Variants in QRFPR observed in about 807,000 individuals in gnomAD.
The protein encoded by QRFPR is pyroglutamylated RFamide peptide receptor, also known as pyroglutamylated RF-amide peptide receptor.
In QRFPR, 37 loss-of-function variants were observed where a neutral mutation model predicts 31.3. The observed-to-expected ratio is 1.18, with a 90% confidence interval of 0.91 to 1.56. The LOEUF (loss-of-function observed/expected upper bound fraction) is 1.56. Ranked by LOEUF, QRFPR falls within the 40% of genes most tolerant of loss-of-function variation. The probability of loss-of-function intolerance (pLI) is 0.00; values close to 1 mark genes in which losing one functional copy is unlikely to be tolerated. For missense variants in QRFPR, 542 were observed against 532.5 expected, an observed-to-expected ratio of 1.02 and a Z score of -0.18; for synonymous variants, 197 against 192.0, an observed-to-expected ratio of 1.03 and a Z score of -0.22.
At chr4:121,365,533 TAATATATATTATATATAATATATAA>T (rs1560743574) in intron 1 of QRFPR, among the ~76,000 whole-genome samples, 1 of 8,894 alleles carries the variant, frequency 1.1e-4, no homozygotes, top group Non-Finnish European at 2.0e-4. Flanking sequence ...ATATTATATA[TAATATATATTATATATAATATATAA>T]TATATATTAT....
chr4:121,370,446 T>C, intron 1 of QRFPR: 1 of 553,686 alleles, frequency 1.8e-6, no homozygotes, highest in Non-Finnish European at 3.4e-6. Flanking sequence ...ATGAGGAACA[T>C]GGTCCAGCTG....
chr4:121,343,563 G>A (rs1392705253), intron 1 of QRFPR, among the ~76,000 whole-genome samples: 1 of 152,164 alleles, frequency 6.6e-6, no homozygotes, highest in African/African-American at 2.4e-5. Context: ...ACTATACTGT[G>A]AATAAATCAG....
intron 2 of QRFPR, 59 bp downstream of exon 2, chr4:121,340,391 TTC>T: frequency 6.4e-7 from 1 of 1,560,788 alleles, no homozygotes; most frequent in African/African-American, 1.4e-5. Context: ...AAAAATATGG[TTC>T]TCTATTCTGT....
intron 1 of QRFPR, among the ~76,000 whole-genome samples, chr4:121,356,398 C>T (rs1039201692): frequency 1.3e-5 from 2 of 152,188 alleles, no homozygotes; most frequent in Non-Finnish European, 1.5e-5. Context: ...AAATCTCTGT[C>T]ACTCCAGGAC....
intron 1 of QRFPR, among the ~76,000 whole-genome samples, chr4:121,367,520 G>T (rs879897686): frequency 1.3e-5 from 2 of 150,018 alleles, no homozygotes; most frequent in African/African-American, 2.5e-5. Flanking sequence ...AAACTATAAT[G>T]GACCTGGTTT....
At chr4:121,351,714 A>G (rs982763779) in intron 1 of QRFPR, among the ~76,000 whole-genome samples, 14 of 152,128 alleles carry the variant, frequency 9.2e-5, no homozygotes, top group African/African-American at 3.4e-4. Flanking sequence ...TGTGATGGTA[A>G]TCAGGCAACA....
Position 121,363,658 on chromosome 4 carries a change from AG to A in QRFPR, c.340+16649del. Among the ~76,000 whole-genome samples the A allele has an allele frequency of 2.0e-5, 3 of 150,446 alleles. No individual in the cohort carries two copies. In the South Asian group the frequency reaches 6.3e-4, roughly 32 times the overall value. On this transcript the variant is annotated intron_variant, in intron 1 of 5. Coordinates refer to ENST00000394427, the MANE Select transcript of QRFPR (RefSeq NM_198179.3). ...ATATATAGAAAAGCCATATGGTAAG[AG>A]TAAGAGTGAGGGGCCACAGGGACTA... is the stretch of plus-strand genomic sequence containing the variant.
chr4:121,346,192 G>A (rs1430017513), intron 1 of QRFPR, among the ~76,000 whole-genome samples: 1 of 152,176 alleles, frequency 6.6e-6, no homozygotes, highest in Non-Finnish European at 1.5e-5. Context: ...AATCTGGCAT[G>A]TAATTACCTT....
At chr4:121,352,741 CTT>C (rs1725787634) in intron 1 of QRFPR, among the ~76,000 whole-genome samples, 1 of 151,990 alleles carries the variant, frequency 6.6e-6, no homozygotes, top group African/African-American at 2.4e-5. Flanking sequence ...CAATTCCACT[CTT>C]TTCGTTATTT....
At chr4:121,359,614 T>TTAGTAAAC (rs1343206947) in intron 1 of QRFPR, among the ~76,000 whole-genome samples, 1 of 151,506 alleles carries the variant, frequency 6.6e-6, no homozygotes, top group Non-Finnish European at 1.5e-5. Flanking sequence ...AAGTTAATAC[T>TTAGTAAAC]TAGTAAACTC....
At chr4:121,372,414 G>A (rs1726265581) in intron 1 of QRFPR, among the ~76,000 whole-genome samples, 1 of 152,096 alleles carries the variant, frequency 6.6e-6, no homozygotes, top group African/African-American at 2.4e-5. Context: ...ATTTTTTATT[G>A]TGGTAGAATA....
rs55705274 is a variant in QRFPR at position 121,330,657 on chromosome 4, G to A, written c.798-134C>T. 2,985 of 636,786 alleles carry A rather than the reference G, an allele frequency of 4.7e-3. 11 individuals carry two copies. The highest frequency in any genetic ancestry group is 7.4e-3 in the Admixed American group (284 of 38,554). The allele number at this position is 636,786 out of a possible 1,614,324, so 39.4% of individuals were successfully genotyped here. A position where few individuals can be genotyped will look rare whatever the true frequency, so the allele number is the denominator to read the frequency against. On this transcript the variant is annotated intron_variant, in intron 4 of 5. Coordinates refer to ENST00000394427, the MANE Select transcript of QRFPR (RefSeq NM_198179.3). ...AAATTAAGCTCACGATAGGTTATTC[G>A]TGGGCTGATTATCATCTTTTCCTAT...
In QRFPR at chr4:121,360,925, T is replaced by C. The variant is rs16997669; in HGVS notation, c.340+19383A>G. ...CCCAAGCACCTTCCACAACATACAC[T>C]GTGTGCTGTTCGCCCTTGCATCCCT... On this transcript the variant is annotated intron_variant, in intron 1 of 5. Coordinates refer to ENST00000394427, the MANE Select transcript of QRFPR (RefSeq NM_198179.3). Among the ~76,000 whole-genome samples, 869 of 152,336 alleles carry C rather than the reference T, an allele frequency of 5.7e-3. 12 individuals carry two copies. Among genetic ancestry groups the C allele is most frequent in the African/African-American group, 0.02 (837 of 41,568 alleles).
At chr4:121,338,770 T>C (rs1311849184) in intron 2 of QRFPR, among the ~76,000 whole-genome samples, 1 of 152,210 alleles carries the variant, frequency 6.6e-6, no homozygotes, top group African/African-American at 2.4e-5. Context: ...ATGAGTCTAG[T>C]TGATTTTAAA....
intron 1 of QRFPR, among the ~76,000 whole-genome samples, chr4:121,342,649 T>G (rs181678626): frequency 1.3e-5 from 2 of 152,334 alleles, no homozygotes; most frequent in Admixed American, 1.3e-4. Context: ...ATTTTATTAC[T>G]GTTTTATTAT....
chr4:121,351,432 A>G (rs189314717), intron 1 of QRFPR, among the ~76,000 whole-genome samples: 82 of 152,230 alleles, frequency 5.4e-4, no homozygotes, highest in African/African-American at 1.9e-3. Context: ...GTTTCTTCTA[A>G]TTTTCATTAT....
chr4:121,350,870 T>A (rs1482119222), intron 1 of QRFPR, among the ~76,000 whole-genome samples: 1 of 152,164 alleles, frequency 6.6e-6, no homozygotes, highest in Non-Finnish European at 1.5e-5. Flanking sequence ...GAGGAGACAT[T>A]CTTATGGATA....
At chr4:121,360,736 C>T (rs942963935) in intron 1 of QRFPR, among the ~76,000 whole-genome samples, 2 of 152,188 alleles carry the variant, frequency 1.3e-5, no homozygotes, top group Non-Finnish European at 2.9e-5. Context: ...AGTGTTGCCT[C>T]TGCTGCAAAA....
chr4:121,375,254 A>G (rs1456696695), intron 1 of QRFPR, among the ~76,000 whole-genome samples: 1 of 152,144 alleles, frequency 6.6e-6, no homozygotes, highest in Admixed American at 6.6e-5. Context: ...ACTCAAACCC[A>G]TCAGACTGTG....
Sources: allele counts gnomAD v4.1 joint callset (sites outside exome capture counted in the v4.1 genomes callset), GRCh38; gene constraint gnomAD v4.1.1; transcripts MANE v1.5; gene names NCBI Gene and HGNC (gene_info 2026-07-23, HGNC 2026-07-21).